SNX13: variants seen among roughly 807,000 people sequenced by gnomAD.
The protein encoded by SNX13 is sorting nexin-13.
In SNX13, 45 loss-of-function variants were observed where a neutral mutation model predicts 133.6. The observed-to-expected ratio is 0.34, with a 90% CI of 0.27 to 0.43. The LOEUF is 0.43. Ranked by LOEUF, SNX13 falls within the 20% of genes least tolerant of loss-of-function variation. SNX13 has a pLI of 1.00. For missense variants in SNX13, 1,032 were observed against 1,145.1 expected (o/e 0.90, Z 1.43); for synonymous variants, 414 against 373.9 (o/e 1.11, Z -1.24).
intron 8 of SNX13, among the ~76,000 whole-genome samples, chr7:17,871,377 G>C (rs1209157402): frequency 6.6e-6 from 1 of 152,170 alleles, no homozygotes; most frequent in Non-Finnish European, 1.5e-5. Flanking sequence ...GGGGGAAAAT[G>C]CCAGTGTGGC....
At position 17,842,584 on chromosome 7, in the gene SNX13, G is replaced by C. The variant is rs1583442597; in HGVS notation, c.1166-2584C>G. Among the ~76,000 whole-genome samples, 3 of 152,016 alleles carry C rather than the reference G, an allele frequency of 2.0e-5. No homozygotes were observed. The South Asian group carries it at 6.2e-4, about 32-fold the overall frequency. ...AAGCTAGTATTATTAACAATGATTTGTAACTCTATTTTTTTGTTTTCTATG... is the reference window on the plus strand; with the variant it reads ...AAGCTAGTATTATTAACAATGATTTCTAACTCTATTTTTTTGTTTTCTATG... On this transcript the variant is annotated intron_variant, in intron 12 of 25. Transcript: ENST00000428135.
intron 1 of SNX13, among the ~76,000 whole-genome samples, chr7:17,933,568 T>G (rs932072149): frequency 6.6e-6 from 1 of 151,806 alleles, no homozygotes; most frequent in Non-Finnish European, 1.5e-5. Flanking sequence ...AGAGAGAACT[T>G]GCTTTAAGGC....
chr7:17,823,736 G>A (rs924384715), intron 17 of SNX13, among the ~76,000 whole-genome samples: 1 of 152,164 alleles, frequency 6.6e-6, no homozygotes, highest in Non-Finnish European at 1.5e-5. Flanking sequence ...AATCACGTTA[G>A]AGAACCACCA....
intron 5 of SNX13, among the ~76,000 whole-genome samples, chr7:17,878,261 T>C (rs1794945457): frequency 1.3e-5 from 2 of 152,150 alleles, no homozygotes; most frequent in South Asian, 4.1e-4. Flanking sequence ...TATTACATAA[T>C]GCATCTTATT....
intron 1 of SNX13, among the ~76,000 whole-genome samples, chr7:17,901,970 A>G (rs182162955): frequency 3.3e-5 from 5 of 152,318 alleles, no homozygotes; most frequent in Admixed American, 2.6e-4. Flanking sequence ...TGTACAAATC[A>G]TATCTTTCAC....
At chr7:17,897,498 T>A in intron 1 of SNX13, 52 bp from the exon 2 acceptor site, 1 of 1,067,584 alleles carries the variant, frequency 9.4e-7, no homozygotes, top group Non-Finnish European at 1.3e-6. Flanking sequence ...TCCACATGAA[T>A]TAGAAAAGAA....
intron 16 of SNX13, among the ~76,000 whole-genome samples, chr7:17,827,978 T>C (rs1438295653): frequency 6.6e-6 from 1 of 151,762 alleles, no homozygotes; most frequent in African/African-American, 2.4e-5. Context: ...TAAAAAAGCA[T>C]TATTAATAAT....
At chr7:17,795,231 T>C (rs1258768041) in intron 25 of SNX13, 1 of 151,676 alleles carries the variant, frequency 6.6e-6, no homozygotes, top group Non-Finnish European at 1.5e-5. Flanking sequence ...CCAACATGTA[T>C]GATTATTAAT....
chr7:17,923,183 G>A (rs867676937), intron 1 of SNX13, among the ~76,000 whole-genome samples: 6 of 152,054 alleles, frequency 3.9e-5, no homozygotes, highest in South Asian at 4.1e-4. Context: ...ACTCCACCAC[G>A]TGAAAAAACA....
At chr7:17,799,889 T>G (rs1164600287) in intron 22 of SNX13, among the ~76,000 whole-genome samples, 3 of 151,798 alleles carry the variant, frequency 2.0e-5, no homozygotes, top group African/African-American at 7.2e-5. Context: ...ATTTTATAAT[T>G]TTTTCATCAC....
Position 17,873,690 on chromosome 7 carries a change from C to A in SNX13, c.665-74G>T, listed in dbSNP as rs961757457. ...ACACTTCCTCTTGATATATAAGATA[C>A]ATTTAAAAAGGCAGAAATAACCAGT... On this transcript the variant is annotated intron_variant, in intron 7 of 25. Coordinates refer to ENST00000428135, the MANE Select transcript of SNX13 (RefSeq NM_015132.5). 5.6e-6 allele frequency: 5 copies of A among 896,402 alleles called. 1 individual carries two copies. The highest frequency in any genetic ancestry group is 4.6e-5 in the South Asian group (2 of 43,842). The allele number at this position is 896,402 out of a possible 1,614,324, so 55.5% of individuals were successfully genotyped here.
intron 3 of SNX13, 80 bp downstream of exon 3, chr7:17,893,252 C>G (rs928759079): frequency 1.1e-5 from 10 of 908,048 alleles, no homozygotes; most frequent in Non-Finnish European, 1.7e-5. Flanking sequence ...AAATTTGTCA[C>G]GCTATATATA....
intron 11 of SNX13, among the ~76,000 whole-genome samples, 173 bp downstream of exon 11, chr7:17,850,174 G>T (rs1349198330): frequency 6.6e-6 from 1 of 152,002 alleles, no homozygotes; most frequent in Non-Finnish European, 1.5e-5. Context: ...TAACCTTTTT[G>T]GCATGTTTTA....
intron 1 of SNX13, among the ~76,000 whole-genome samples, chr7:17,912,407 G>C (rs1799079834): frequency 7.3e-6 from 1 of 136,198 alleles, no homozygotes; most frequent in South Asian, 2.9e-4. Flanking sequence ...GGGAATAAGA[G>C]GAAAATGCTT....
At chr7:17,882,040 CTTAAAG>C (rs1028100516) in intron 5 of SNX13, 3 of 152,268 alleles carry the variant, frequency 2.0e-5, no homozygotes, top group South Asian at 2.1e-4. Flanking sequence ...CATTCCTGAA[CTTAAAG>C]TTAATGTATG....
intron 8 of SNX13, among the ~76,000 whole-genome samples, chr7:17,871,754 C>T (rs1794142416): frequency 6.6e-6 from 1 of 152,186 alleles, no homozygotes; most frequent in Non-Finnish European, 1.5e-5. Flanking sequence ...CGGTCCTAAA[C>T]CGAGGTCACT....
rs557560983 is a variant in SNX13 at position 17,811,964 on chromosome 7, AC to A, written c.2064+2869del. ...GCCATAGGCAGAAAACTGAAACTGG[AC>A]CCCTTCCTTACACCTTATACAAAAA... On this transcript the variant is annotated intron_variant, in intron 20 of 25. Coordinates refer to ENST00000428135, the MANE Select transcript of SNX13 (RefSeq NM_015132.5). 1.2e-4 allele frequency among the ~76,000 whole-genome samples: 19 copies of A among 152,208 alleles called. No individual in the cohort carries two copies. The South Asian group carries it at 3.7e-3, about 30-fold the overall frequency.
At chr7:17,848,207 G>A (rs981440736) in intron 11 of SNX13, among the ~76,000 whole-genome samples, 7 of 152,152 alleles carry the variant, frequency 4.6e-5, no homozygotes, top group Admixed American at 2.0e-4. Context: ...ACTTCGGAAA[G>A]AATCCAAATG....
intron 9 of SNX13, among the ~76,000 whole-genome samples, chr7:17,867,900 A>C (rs920339300): frequency 5.3e-5 from 8 of 152,124 alleles, no homozygotes; most frequent in Non-Finnish European, 1.2e-4. Context: ...TGGACTTAGT[A>C]ATAACTAAGT....
Sources: gnomAD v4.1 joint callset for allele counts (sites outside exome capture counted in the v4.1 genomes callset) on GRCh38, gnomAD v4.1.1 for gene constraint, MANE v1.5 for transcripts, NCBI Gene and HGNC (gene_info 2026-07-23, HGNC 2026-07-21) for gene names.